BCKDHB: variants seen among roughly 807,000 people sequenced by gnomAD.
The protein encoded by BCKDHB is 2-oxoisovalerate dehydrogenase subunit beta, mitochondrial.
BCKDHB carries 41 observed loss-of-function variants against 48.5 expected under a neutral mutation model. The ratio of observed to expected loss-of-function variants is 0.85; its 90% CI spans 0.66 to 1.10. The LOEUF is 1.10. Ranked by LOEUF, BCKDHB falls within the 50% of genes least tolerant of loss-of-function variation. The pLI is 0.00. For missense variants in BCKDHB, 496 were observed against 494.2 expected (o/e 1.00, Z -0.03); for synonymous variants, 201 against 174.8 (o/e 1.15, Z -1.18).
chr6:80,366,601 TA>T, the BCKDHB span, among the ~76,000 whole-genome samples: 576 of 152,330 alleles, frequency 3.8e-3, 7 homozygotes, highest in African/African-American at 0.013. Flanking sequence ...TATTATGCCA[TA>T]AAAATCTCCC....
chr6:80,375,170 G>C, the BCKDHB span, among the ~76,000 whole-genome samples: 1 of 152,104 alleles, frequency 6.6e-6, no homozygotes, highest in African/African-American at 2.4e-5. Context: ...GGTGTTCTTT[G>C]AGCTTCTTGG....
chr6:80,188,106 A>G (rs1298304681), intron 6 of BCKDHB, among the ~76,000 whole-genome samples: 1 of 152,198 alleles, frequency 6.6e-6, no homozygotes, highest in Non-Finnish European at 1.5e-5. Flanking sequence ...GACTGGGTAA[A>G]GAAAATGTAG....
chr6:80,416,755 G>GT, the BCKDHB span, among the ~76,000 whole-genome samples: 2 of 132,576 alleles, frequency 1.5e-5, no homozygotes, highest in African/African-American at 4.9e-5. Context: ...TATATTCTGG[G>GT]TTTTTTATTT....
chr6:80,283,417 AT>A (rs922270645), intron 9 of BCKDHB, among the ~76,000 whole-genome samples: 3 of 152,020 alleles, frequency 2.0e-5, no homozygotes, highest in Non-Finnish European at 4.4e-5. Context: ...AATTCTTGGT[AT>A]TTCTGTAGTC....
chr6:80,109,744 A>G (rs1434965030), intron 1 of BCKDHB, among the ~76,000 whole-genome samples: 2 of 152,248 alleles, frequency 1.3e-5, no homozygotes, highest in African/African-American at 4.8e-5. Flanking sequence ...TATCAATACT[A>G]TCTACGATTA....
chr6:80,317,255 A>AC (rs1768494898), intron 9 of BCKDHB, among the ~76,000 whole-genome samples: 1 of 152,132 alleles, frequency 6.6e-6, no homozygotes, highest in Admixed American at 6.6e-5. Flanking sequence ...TAAAGGGTAC[A>AC]CCCCCAACTT....
intron 8 of BCKDHB, among the ~76,000 whole-genome samples, chr6:80,248,600 C>T (rs911684827): frequency 3.9e-5 from 6 of 152,178 alleles, no homozygotes; most frequent in African/African-American, 1.2e-4. Flanking sequence ...TTCACCAGGG[C>T]TGGGACTGCT....
intron 6 of BCKDHB, among the ~76,000 whole-genome samples, chr6:80,196,383 T>C (rs1356054933): frequency 2.0e-5 from 3 of 152,174 alleles, no homozygotes; most frequent in Non-Finnish European, 2.9e-5. Context: ...AGCAGTTGTA[T>C]CCTCCGTGAT....
the BCKDHB span, among the ~76,000 whole-genome samples, chr6:80,362,701 A>C: frequency 1.6e-4 from 24 of 152,344 alleles, no homozygotes; most frequent in African/African-American, 5.8e-4. Context: ...GAGCAGAAAA[A>C]AATTCATAGG....
chr6:80,201,543 A>C (rs1478619209), intron 7 of BCKDHB, among the ~76,000 whole-genome samples: 10 of 152,188 alleles, frequency 6.6e-5, no homozygotes, highest in African/African-American at 2.4e-4. Flanking sequence ...TTTGGAATAC[A>C]TGTATACCCA....
chr6:80,311,448 A>C (rs1199521005), intron 9 of BCKDHB, among the ~76,000 whole-genome samples: 9 of 152,170 alleles, frequency 5.9e-5, no homozygotes, highest in Admixed American at 5.9e-4. Context: ...AATTAGATTC[A>C]TTTGTCAATT....
intron 8 of BCKDHB, among the ~76,000 whole-genome samples, chr6:80,242,679 G>A (rs961235166): frequency 2.4e-4 from 36 of 152,034 alleles, no homozygotes; most frequent in African/African-American, 8.7e-4. Context: ...ATGAATATTG[G>A]ATTGTCTTTA....
chr6:80,409,404 G>GC, the BCKDHB span, among the ~76,000 whole-genome samples: 2 of 151,260 alleles, frequency 1.3e-5, no homozygotes, highest in Non-Finnish European at 2.9e-5. Context: ...TCCACTTGGT[G>GC]CAGAGCTGAG....
chr6:80,125,531 C>T (rs1252715232), intron 1 of BCKDHB, among the ~76,000 whole-genome samples: 3 of 152,160 alleles, frequency 2.0e-5, no homozygotes, highest in Non-Finnish European at 4.4e-5. Flanking sequence ...GCATGCCTTC[C>T]GTACTTAGCT....
At chr6:80,106,960 G>T in intron 1 of BCKDHB, 71 bp downstream of exon 1, 1 of 1,524,330 alleles carries the variant, frequency 6.6e-7, no homozygotes, top group South Asian at 1.2e-5. Flanking sequence ...CCCGCGAGGG[G>T]CAGGGGCCGG....
rs189524624 is a variant in BCKDHB, at chr6:80,181,147, G to A, written c.742+9757G>A. Among the ~76,000 whole-genome samples the A allele has an allele frequency of 2.3e-3, 352 of 152,190 alleles. 1 individual carries two copies. The highest frequency in any genetic ancestry group is 7.7e-3 in the African/African-American group (321 of 41,534). On this transcript the variant is annotated intron_variant, in intron 6 of 9. Coordinates refer to ENST00000320393, the MANE Select transcript of BCKDHB (RefSeq NM_183050.4). ...CTTAGGTATTCTGTCCTAGCAAAAC[G>A]AAGTGGACTAAGACAATTAGGTTTG...
chr6:80,383,865 A>G, the BCKDHB span, among the ~76,000 whole-genome samples: 1 of 152,250 alleles, frequency 6.6e-6, no homozygotes, highest in East Asian at 1.9e-4. Context: ...TTTTATATAC[A>G]TTCTATCTTA....
Position 80,127,621 on chromosome 6 carries a change from G to A in BCKDHB, c.271G>A (p.Ala91Thr). The change falls in exon 2 of 10, where the codon GCA becomes ACA. Residue 91 changes from alanine (A) to threonine (T), a missense_variant. Coordinates refer to ENST00000320393, the MANE Select transcript of BCKDHB (RefSeq NM_183050.4). ...LDNSLAKDPTAVIFGEDVAFG... is the reference protein window; with the variant it reads ...LDNSLAKDPTTVIFGEDVAFG... Reference sequence around the variant, plus strand: ...TAACTCATTGGCCAAAGATCCTACTGCAGGTAACCCTGATATGTGCCTGAA... The same window carrying A: ...TAACTCATTGGCCAAAGATCCTACTACAGGTAACCCTGATATGTGCCTGAA... 1 of 1,611,674 alleles carries A rather than the reference G, an allele frequency of 6.2e-7. No homozygotes were observed. The highest frequency in any genetic ancestry group is 1.3e-5 in the African/African-American group (1 of 74,958).
intron 9 of BCKDHB, 36 bp downstream of exon 9, chr6:80,273,257 G>T (rs1452619125): frequency 8.0e-6 from 12 of 1,506,126 alleles, no homozygotes; most frequent in Non-Finnish European, 1.1e-5. Flanking sequence ...CAATGCTTGT[G>T]CAATTCCACA....
Sources: allele counts gnomAD v4.1 joint callset (sites outside exome capture counted in the v4.1 genomes callset), GRCh38; gene constraint gnomAD v4.1.1; transcripts MANE v1.5; gene names NCBI Gene and HGNC (gene_info 2026-07-23, HGNC 2026-07-21).